SLC7A2: variants seen among roughly 807,000 people sequenced by gnomAD.
SLC7A2 encodes cationic amino acid transporter 2.
SLC7A2 carries 48 observed loss-of-function variants against 58.9 expected under a neutral mutation model. That is an observed-to-expected ratio of 0.82 (90% CI 0.65 to 1.04). The LOEUF (loss-of-function observed/expected upper bound fraction) is 1.04. Among genes scored for constraint, SLC7A2 ranks in the 50% least tolerant of loss-of-function variants. The pLI, the probability that SLC7A2 is intolerant of heterozygous loss-of-function variation, is 0.00. For missense variants in SLC7A2, 1,029 were observed against 818.8 expected (o/e 1.26, Z -3.13); for synonymous variants, 363 against 314.5 (o/e 1.15, Z -1.63).
At chr8:17,555,825 C>G (rs193266785) in intron 8 of SLC7A2, among the ~76,000 whole-genome samples, 2 of 152,216 alleles carry the variant, frequency 1.3e-5, no homozygotes, top group East Asian at 3.9e-4. Flanking sequence ...CAGAAAATTT[C>G]AGTGAGATTC....
intron 2 of SLC7A2, among the ~76,000 whole-genome samples, chr8:17,528,942 C>T (rs1359947456): frequency 6.6e-6 from 1 of 151,902 alleles, no homozygotes; most frequent in Non-Finnish European, 1.5e-5. Context: ...AACATGGCCG[C>T]CTGTCGGGGA....
rs754920445 is a variant in SLC7A2 at position 17,561,999 on chromosome 8, C to T, written c.1560C>T (p.Thr520=). 5 of 1,613,998 alleles carry T rather than the reference C, an allele frequency of 3.1e-6. No individual in the cohort carries two copies. The African/African-American group carries it at 6.7e-5, about 22-fold the overall frequency. ...VLTTYGVHAI[T]RLEAWSLALL... is the part of the protein sequence containing the mutation. The stretch of plus-strand genomic sequence containing the variant: ...CCACTTACGGAGTTCATGCCATCAC[C>T]AGGCTGGAGGCCTGGAGCCTCGCTC... The change falls in exon 11 of 13, where the codon ACC becomes ACT. Residue 520 remains threonine, a synonymous_variant. Coordinates refer to ENST00000494857, the MANE Select transcript of SLC7A2 (RefSeq NM_001370338.1).
At chr8:17,533,178 C>G (rs1476372774) in intron 2 of SLC7A2, among the ~76,000 whole-genome samples, 1 of 152,158 alleles carries the variant, frequency 6.6e-6, no homozygotes, top group African/African-American at 2.4e-5. Flanking sequence ...CCAGTATGAA[C>G]TTGCAAACTT....
At chr8:17,509,391 C>G (rs1048231383) in intron 2 of SLC7A2, among the ~76,000 whole-genome samples, 11 of 152,054 alleles carry the variant, frequency 7.2e-5, no homozygotes, top group Non-Finnish European at 1.5e-4. Context: ...TTGCAACCTC[C>G]GCCTCCCTGG....
In SLC7A2 at chr8:17,561,609, G is replaced by A. The variant is rs184482850; in HGVS notation, c.1505-335G>A. 2.1e-3 allele frequency among the ~76,000 whole-genome samples: 318 copies of A among 152,192 alleles called. 3 individuals carry two copies. Among genetic ancestry groups the A allele is most frequent in the African/African-American group, 7.1e-3 (293 of 41,518 alleles). ...ATGTGCCATTTCCCATTTGAAAAAA[G>A]GGAAGTATCCAACCCCGACAGCATT... is the stretch of plus-strand genomic sequence containing the variant. On this transcript the variant is annotated intron_variant, in intron 10 of 12. Coordinates refer to ENST00000494857, the MANE Select transcript of SLC7A2 (RefSeq NM_001370338.1).
At position 17,507,583 on chromosome 8, in the gene SLC7A2, T is replaced by C. The variant is rs536410154; in HGVS notation, c.-23+5281T>C. Among the ~76,000 whole-genome samples, 4 of 152,336 alleles carry C rather than the reference T, an allele frequency of 2.6e-5. 1 individual carries two copies. In the South Asian group the frequency reaches 8.3e-4, roughly 32 times the overall value. Reference sequence around the variant, plus strand: ...AAGAGATGAAAAATATTTGAAGTGATGGATATGCAAATTACCCTTATTTGA... The same window carrying C: ...AAGAGATGAAAAATATTTGAAGTGACGGATATGCAAATTACCCTTATTTGA... On this transcript the variant is annotated intron_variant, in intron 2 of 12. Coordinates refer to ENST00000494857, the MANE Select transcript of SLC7A2 (RefSeq NM_001370338.1).
chr8:17,527,656 T>G (rs947326167), intron 2 of SLC7A2, among the ~76,000 whole-genome samples: 3 of 152,184 alleles, frequency 2.0e-5, no homozygotes, highest in Non-Finnish European at 4.4e-5. Context: ...TTGGCGTTAC[T>G]TGGCTCACAG....
rs188183108 is a variant in SLC7A2, at chr8:17,539,871, T to C, written c.-22-3447T>C. On this transcript the variant is annotated intron_variant, in intron 2 of 12. Transcript: ENST00000494857. ...TGTTGTATAAGTAGGAGGGATGTTT[T>C]TCTTGGGCAGTAAGTCCCCTGTAAA... is the stretch of plus-strand genomic sequence containing the variant. Among the ~76,000 whole-genome samples, 604 of 152,318 alleles carry C rather than the reference T, an allele frequency of 4.0e-3. 4 individuals carry two copies. Among genetic ancestry groups the C allele is most frequent in the Admixed American group, 0.01 (154 of 15,290 alleles).
chr8:17,505,599 A>G (rs376557060), intron 2 of SLC7A2, among the ~76,000 whole-genome samples: 1 of 152,154 alleles, frequency 6.6e-6, no homozygotes, highest in Admixed American at 6.5e-5. Flanking sequence ...ATGTCTTCCT[A>G]TGGGCCAGAA....
chr8:17,555,818 A>C (rs934335445), intron 8 of SLC7A2, among the ~76,000 whole-genome samples: 3 of 152,182 alleles, frequency 2.0e-5, no homozygotes, highest in African/African-American at 7.2e-5. Context: ...TCTCATGCAG[A>C]AAATTTCAGT....
chr8:17,568,587 A>G lies in SLC7A2; in HGVS notation c.*3441A>G, dbSNP rs1458181185. On this transcript the variant is annotated 3_prime_UTR_variant, in exon 13 of 13. Transcript: ENST00000494857. ...TTTTCTTTTAATTTCTATGAATAAA[A>G]GAAATTTTTAAAAACTTTAAAATTT... 6.6e-6 allele frequency: 1 copy of G among 152,154 alleles called. No homozygotes were observed. Among genetic ancestry groups the G allele is most frequent in the Non-Finnish European group, 1.5e-5 (1 of 68,030 alleles). 9.4% of individuals were successfully genotyped at this position (152,154 alleles called of 1,614,324 possible). A position where few individuals can be genotyped will look rare whatever the true frequency, so the allele number is the denominator to read the frequency against.
intron 2 of SLC7A2, among the ~76,000 whole-genome samples, chr8:17,523,451 A>T (rs2705063): frequency 6.6e-6 from 1 of 152,040 alleles, no homozygotes; most frequent in Non-Finnish European, 1.5e-5. Context: ...GAACCTAGAA[A>T]TAAACCCAAA....
rs745915260 is a variant in SLC7A2, at chr8:17,543,733, A to G, written c.376+18A>G. 2.6e-6 allele frequency: 4 copies of G among 1,511,338 alleles called. No homozygotes were observed. Among genetic ancestry groups the G allele is most frequent in the Admixed American group, 4.6e-5 (2 of 43,512 alleles). 93.6% of individuals were successfully genotyped at this position (1,511,338 alleles called of 1,614,324 possible). A position where few individuals can be genotyped will look rare whatever the true frequency, so the allele number is the denominator to read the frequency against. The stretch of plus-strand genomic sequence containing the variant: ...TGTGATAGGTATGTTTCAAAAAGAA[A>G]TCTAACTTGTGTGGAATGGAAGAAA... On this transcript the variant is annotated intron_variant, in intron 3 of 12. Coordinates refer to ENST00000494857, the MANE Select transcript of SLC7A2 (RefSeq NM_001370338.1).
At chr8:17,514,014 C>G (rs1177132626) in intron 2 of SLC7A2, among the ~76,000 whole-genome samples, 7 of 152,152 alleles carry the variant, frequency 4.6e-5, no homozygotes, top group Non-Finnish European at 1.0e-4. Flanking sequence ...TAAATTTGAA[C>G]TGCAAATAGC....
intron 7 of SLC7A2, among the ~76,000 whole-genome samples, chr8:17,554,116 T>C (rs1802577872): frequency 2.6e-5 from 4 of 152,220 alleles, no homozygotes; most frequent in Non-Finnish European, 5.9e-5. Flanking sequence ...CATTATTGAA[T>C]AAAGGTTGCA....
intron 7 of SLC7A2, among the ~76,000 whole-genome samples, chr8:17,552,935 T>C (rs1356303285): frequency 6.6e-6 from 1 of 152,202 alleles, no homozygotes; most frequent in Non-Finnish European, 1.5e-5. Flanking sequence ...AAGAAGTCTT[T>C]TAGTGTAATT....
chr8:17,553,248 G>T (rs1224563898), intron 7 of SLC7A2, among the ~76,000 whole-genome samples: 1 of 152,022 alleles, frequency 6.6e-6, no homozygotes, highest in Admixed American at 6.6e-5. Flanking sequence ...AGGAGGTCTC[G>T]CTAAGTTCCC....
rs1802297032 is a variant in SLC7A2, at chr8:17,548,739, T to C, written c.594T>C (p.Asn198=). The C allele has an allele frequency of 6.2e-7, 1 of 1,613,768 alleles. No individual in the cohort carries two copies. Among genetic ancestry groups the C allele is most frequent in the Non-Finnish European group, 8.5e-7 (1 of 1,179,798 alleles). The change falls in exon 5 of 13, where the codon AAT becomes AAC. Residue 198 remains asparagine, a synonymous_variant. Coordinates refer to ENST00000494857, the MANE Select transcript of SLC7A2 (RefSeq NM_001370338.1). ...TGAATAAAGTCTTCACAGCTGTTAA[T>C]ATTCTCGTCCTTCTGTTTGTGATGG... is the stretch of plus-strand genomic sequence containing the variant. The part of the protein sequence containing the change: ...AWVNKVFTAV[N]ILVLLFVMVA...
intron 2 of SLC7A2, among the ~76,000 whole-genome samples, chr8:17,536,341 G>T (rs912991942): frequency 6.6e-6 from 1 of 152,126 alleles, no homozygotes; most frequent in Non-Finnish European, 1.5e-5. Context: ...AAGGAAGGAA[G>T]ATCACTTGAG....
Sources: gnomAD v4.1 joint callset for allele counts (sites outside exome capture counted in the v4.1 genomes callset) on GRCh38, gnomAD v4.1.1 for gene constraint, MANE v1.5 for transcripts, NCBI Gene and HGNC (gene_info 2026-07-23, HGNC 2026-07-21) for gene names.